The following RTN1 variants were observed in gnomAD, a reference collection of about 807,000 sequenced individuals.
RTN1 encodes the protein reticulon-1.
A neutral mutation model predicts 65.5 loss-of-function variants in RTN1; 25 were observed. The observed-to-expected ratio is 0.38, with a 90% CI of 0.28 to 0.53. The LOEUF is 0.53. Among genes scored for constraint, RTN1 ranks in the 20% least tolerant of loss-of-function variants. The probability of loss-of-function intolerance (pLI) is 0.79; values close to 1 mark genes in which losing one functional copy is unlikely to be tolerated. For synonymous variants in RTN1, 471 were observed against 447.6 expected, an observed-to-expected ratio of 1.05 and a Z score of -0.66; for missense variants, 983 against 1,025.4, an observed-to-expected ratio of 0.96 and a Z score of 0.57.
At chr14:59,802,995 GA>G (rs34869010) in intron 1 of RTN1, among the ~76,000 whole-genome samples, 5,153 of 143,394 alleles carry the variant, frequency 0.036, 136 homozygotes, top group Non-Finnish European at 0.053. Flanking sequence ...AGCTTTCACT[GA>G]AAAAAAAAAA....
In RTN1 at chr14:59,671,162, G is replaced by A. The variant is rs370746547; in HGVS notation, c.1765+55757C>T. The stretch of plus-strand genomic sequence containing the variant: ...AAGGTTTTTAAAGACAGTTTGTCTT[G>A]TAAAGACACATCAAAAAGTCATACT... On this transcript the variant is annotated intron_variant, in intron 3 of 8. Transcript: ENST00000267484. Among the ~76,000 whole-genome samples the A allele has an allele frequency of 1.2e-4, 18 of 152,254 alleles. 2 individuals are homozygous for A. Among genetic ancestry groups the A allele is most frequent in the Admixed American group, 7.2e-4 (11 of 15,284 alleles).
At chr14:59,796,275 A>G (rs1432926467) in intron 1 of RTN1, among the ~76,000 whole-genome samples, 1 of 152,166 alleles carries the variant, frequency 6.6e-6, no homozygotes, top group East Asian at 1.9e-4. Context: ...GTAGCGAACT[A>G]TACCATCTAG....
At chr14:59,866,033 A>G (rs1411021493) in intron 1 of RTN1, among the ~76,000 whole-genome samples, 2 of 148,132 alleles carry the variant, frequency 1.4e-5, no homozygotes, top group African/African-American at 5.0e-5. Context: ...CAGAAAACTA[A>G]CTCATACCCT....
chr14:59,602,848 GAAT>G (rs1178529838), intron 8 of RTN1, among the ~76,000 whole-genome samples: 1 of 151,992 alleles, frequency 6.6e-6, no homozygotes, highest in Non-Finnish European at 1.5e-5. Context: ...TATGAAACCT[GAAT>G]AAACCACTGG....
intron 2 of RTN1, among the ~76,000 whole-genome samples, chr14:59,731,327 A>G (rs934026679): frequency 1.2e-4 from 18 of 152,166 alleles, no homozygotes; most frequent in Non-Finnish European, 2.4e-4. Flanking sequence ...GAAGAGTAGT[A>G]GTTATGGGGA....
intron 1 of RTN1, among the ~76,000 whole-genome samples, chr14:59,784,042 T>C (rs958526252): frequency 1.3e-5 from 2 of 152,186 alleles, no homozygotes; most frequent in Admixed American, 1.3e-4. Context: ...ACTCTTCATA[T>C]CCTTTGCAAA....
At chr14:59,792,323 A>G (rs10145579) in intron 1 of RTN1, among the ~76,000 whole-genome samples, 5,822 of 151,316 alleles carry the variant, frequency 0.038, 348 homozygotes, top group African/African-American at 0.13. Flanking sequence ...AAAACATCAG[A>G]GTATCAATTC....
chr14:59,657,318 A>C (rs1470641566), intron 3 of RTN1, among the ~76,000 whole-genome samples: 1 of 152,240 alleles, frequency 6.6e-6, no homozygotes, highest in Non-Finnish European at 1.5e-5. Context: ...CCGAGGCAGG[A>C]GAATCACTTG....
chr14:59,854,563 C>T (rs1189171909), intron 1 of RTN1, among the ~76,000 whole-genome samples: 1 of 147,612 alleles, frequency 6.8e-6, no homozygotes, highest in Non-Finnish European at 1.5e-5. Flanking sequence ...ATCGCTTGAA[C>T]CCAGGAGGTG....
chr14:59,643,217 T>A (rs1392865367), intron 3 of RTN1, among the ~76,000 whole-genome samples: 2 of 152,104 alleles, frequency 1.3e-5, no homozygotes, highest in Non-Finnish European at 2.9e-5. Context: ...GAGATCAGCC[T>A]GGGTAACTTA....
At chr14:59,656,209 G>C (rs1883119421) in intron 3 of RTN1, among the ~76,000 whole-genome samples, 1 of 151,948 alleles carries the variant, frequency 6.6e-6, no homozygotes, top group Non-Finnish European at 1.5e-5. Flanking sequence ...CTAGGAGCTG[G>C]GAGGTGGGGG....
chr14:59,609,286 A>AG (rs1881869887), intron 3 of RTN1, among the ~76,000 whole-genome samples: 1 of 71,382 alleles, frequency 1.4e-5, no homozygotes, highest in South Asian at 5.4e-4. Flanking sequence ...CTCTGTCTCC[A>AG]AAAAAAAAAA....
intron 3 of RTN1, among the ~76,000 whole-genome samples, chr14:59,702,270 T>C (rs898169172): frequency 3.9e-5 from 6 of 152,242 alleles, no homozygotes; most frequent in African/African-American, 1.4e-4. Context: ...GTGAATACAC[T>C]GTACAATATG....
chr14:59,829,190 T>C lies in RTN1; in HGVS notation c.241+41200A>G, dbSNP rs1198274593. ...TTTAAAGTGCCTTCTACAACAATGTTTTGGGAGGGATTTAAGGATGAATAA... is the reference window on the plus strand; with the variant it reads ...TTTAAAGTGCCTTCTACAACAATGTCTTGGGAGGGATTTAAGGATGAATAA... On this transcript the variant is annotated intron_variant, in intron 1 of 8. Transcript: ENST00000267484. This position sits in a 1 kb window ranked among gnomAD's most constrained non-coding sequence, Gnocchi z 4.3. Among the ~76,000 whole-genome samples, 1 of 152,112 alleles carries C rather than the reference T, an allele frequency of 6.6e-6. No individual in the cohort carries two copies. The highest frequency in any genetic ancestry group is 2.4e-5 in the African/African-American group (1 of 41,420).
intron 1 of RTN1, among the ~76,000 whole-genome samples, chr14:59,784,202 G>T (rs1472305266): frequency 6.6e-6 from 1 of 152,172 alleles, no homozygotes; most frequent in Non-Finnish European, 1.5e-5. Context: ...ACTTTGGGAG[G>T]CCAAGGCAGG....
Position 59,870,382 on chromosome 14 carries a change from C to A in RTN1, c.241+8G>T, listed in dbSNP as rs753425918. On this transcript the variant is annotated splice_region_variant and intron_variant, in intron 1 of 8. Coordinates refer to ENST00000267484, the MANE Select transcript of RTN1 (RefSeq NM_021136.3). The surrounding 1 kb of genome is among the most constrained non-coding windows in gnomAD (Gnocchi z 5.1). ...ACGCCATTTGAGGGGCAGCGGCGCC[C>A]GCCTTACCTGTGGATGCAGTTTCCA... 2.6e-6 allele frequency: 4 copies of A among 1,510,808 alleles called. No individual in the cohort carries two copies. The highest frequency in any genetic ancestry group is 3.5e-6 in the Non-Finnish European group (4 of 1,141,066). The allele number at this position is 1,510,808 out of a possible 1,614,324, so 93.6% of individuals were successfully genotyped here.
At chr14:59,735,462 G>A in intron 2 of RTN1, among the ~76,000 whole-genome samples, 1 of 152,078 alleles carries the variant, frequency 6.6e-6, no homozygotes, top group Non-Finnish European at 1.5e-5. Flanking sequence ...AAAGAACCAA[G>A]ACCCATTAGT....
chr14:59,745,871 T>C lies in RTN1; in HGVS notation c.852A>G (p.Thr284=), dbSNP rs139126433. The change falls in exon 2 of 9, where the codon ACA becomes ACG. Residue 284 remains threonine (T), a synonymous_variant. Transcript: ENST00000267484. The stretch of plus-strand genomic sequence containing the variant: ...CAACAGAAGGTTCTATTTCCGTCAG[T>C]GTGATTTTGACAGGGGTGGTGATCT... ...APQITTPVKI[T]LTEIEPSVET... The C allele has an allele frequency of 5.0e-6, 8 of 1,613,982 alleles. No homozygotes were observed. In the African/African-American group the frequency reaches 9.3e-5, roughly 19 times the overall value.
chr14:59,634,308 A>G (rs1396100982), intron 3 of RTN1, among the ~76,000 whole-genome samples: 1 of 152,192 alleles, frequency 6.6e-6, no homozygotes, highest in Non-Finnish European at 1.5e-5. Context: ...TCTTGTTCTG[A>G]GAAATATAGC....
Sources: allele counts gnomAD v4.1 joint callset (sites outside exome capture counted in the v4.1 genomes callset), GRCh38; gene constraint gnomAD v4.1.1; non-coding constraint Gnocchi (gnomAD v3.1); transcripts MANE v1.5; gene names NCBI Gene and HGNC (gene_info 2026-07-23, HGNC 2026-07-21).